The following IGF1 variants were observed in gnomAD, a reference collection of about 807,000 sequenced individuals.
IGF1 encodes insulin like growth factor 1, also known as insulin-like growth factor 1.
IGF1 carries 4 observed loss-of-function variants against 13.8 expected under a neutral mutation model. The ratio of observed to expected loss-of-function variants is 0.29; its 90% confidence interval spans 0.14 to 0.66. IGF1 has a LOEUF of 0.66. Ranked by LOEUF, IGF1 falls within the 30% of genes least tolerant of loss-of-function variation. The pLI, the probability that IGF1 is intolerant of heterozygous loss-of-function variation, is 0.78. For missense variants in IGF1, 124 were observed against 188.5 expected, an observed-to-expected ratio of 0.66 and a Z score of 2.00; for synonymous variants, 76 against 72.6, an observed-to-expected ratio of 1.05 and a Z score of -0.23.
At chr12:102,441,917 T>C (rs1446022523) in intron 2 of IGF1, among the ~76,000 whole-genome samples, 27 of 114,370 alleles carry the variant, frequency 2.4e-4, no homozygotes, top group Admixed American at 4.2e-4. Context: ...CTTCTTCTCC[T>C]TCTTCTTCTT....
At chr12:102,441,908 T>TGCTGCTTCTTCTTCTTCTTCTTCTTCC (rs1555244024) in intron 2 of IGF1, among the ~76,000 whole-genome samples, 1 of 109,390 alleles carries the variant, frequency 9.1e-6, no homozygotes, top group Non-Finnish European at 1.9e-5. Context: ...ATTACACTGC[T>TGCTGCTTCTTCTTCTTCTTCTTCTTCC]TCTTCTCCTT....
chr12:102,425,546 A>G (rs557128734), intron 2 of IGF1, among the ~76,000 whole-genome samples: 97 of 152,316 alleles, frequency 6.4e-4, no homozygotes, highest in Middle Eastern at 3.4e-3. Context: ...CTCTGAGTCT[A>G]AAAGGAATGA....
At chr12:102,417,070 G>C (rs540894900) in intron 3 of IGF1, among the ~76,000 whole-genome samples, 60 of 152,236 alleles carry the variant, frequency 3.9e-4, no homozygotes, top group African/African-American at 1.4e-3. Context: ...CCCTTGCAAG[G>C]GCTGATACTT....
In IGF1 at chr12:102,427,092, C is replaced by T. The variant is rs117783032; in HGVS notation, c.221-7402G>A. The stretch of plus-strand genomic sequence containing the variant: ...TACCCAGTATACAGTGTCACCAGGC[C>T]GCTTAATCACTACTCCATCTTGGAC... On this transcript the variant is annotated intron_variant, in intron 2 of 3. Transcript: ENST00000337514. Among the ~76,000 whole-genome samples, 552 of 152,252 alleles carry T rather than the reference C, an allele frequency of 3.6e-3. 27 individuals carry two copies. In the East Asian group the frequency reaches 0.081, roughly 22 times the overall value.
chr12:102,449,576 C>T (rs997028162), intron 2 of IGF1, among the ~76,000 whole-genome samples: 15 of 150,866 alleles, frequency 9.9e-5, no homozygotes, highest in East Asian at 2.0e-4. Flanking sequence ...CCCATTGCTA[C>T]GGTTTTCTGT....
intron 2 of IGF1, among the ~76,000 whole-genome samples, chr12:102,458,066 G>A (rs930015372): frequency 6.6e-6 from 1 of 152,110 alleles, no homozygotes; most frequent in African/African-American, 2.4e-5. Context: ...TCACTAAGTT[G>A]GATCCATTTC....
intron 2 of IGF1, among the ~76,000 whole-genome samples, chr12:102,455,768 C>T (rs1043213294): frequency 6.6e-6 from 1 of 152,158 alleles, no homozygotes; most frequent in African/African-American, 2.4e-5. Flanking sequence ...CTGAGGCACC[C>T]TGCAATCTCT....
intron 2 of IGF1, among the ~76,000 whole-genome samples, chr12:102,452,218 C>T (rs1276130027): frequency 4.5e-5 from 6 of 134,446 alleles, no homozygotes; most frequent in South Asian, 2.4e-4. Flanking sequence ...GCCGAGATCG[C>T]GCCACTGCAC....
intron 2 of IGF1, among the ~76,000 whole-genome samples, chr12:102,449,204 A>G (rs1166125717): frequency 6.6e-6 from 1 of 152,208 alleles, no homozygotes; most frequent in Non-Finnish European, 1.5e-5. Context: ...TACACCATAG[A>G]ATACTATGCA....
chr12:102,442,193 C>T (rs977556166), intron 2 of IGF1, among the ~76,000 whole-genome samples: 16 of 151,516 alleles, frequency 1.1e-4, no homozygotes, highest in African/African-American at 2.9e-4. Context: ...AAGCAATTTT[C>T]CTGCCTTGGC....
chr12:102,451,919 T>A (rs969545049), intron 2 of IGF1, among the ~76,000 whole-genome samples: 6 of 152,110 alleles, frequency 3.9e-5, no homozygotes, highest in Admixed American at 1.3e-4. Flanking sequence ...CTAATGGTTT[T>A]AGAAGGGGCT....
intron 2 of IGF1, among the ~76,000 whole-genome samples, chr12:102,454,083 C>G (rs562360969): frequency 6.6e-6 from 1 of 152,164 alleles, no homozygotes; most frequent in African/African-American, 2.4e-5. Flanking sequence ...AACACCCAAA[C>G]AACTGGCTGG....
Position 102,398,099 on chromosome 12 carries a change from AAAAC to A in IGF1, c.*4404_*4407del, listed in dbSNP as rs886048872. The A allele has an allele frequency of 1.3e-5, 2 of 151,934 alleles. No homozygotes were observed. Among genetic ancestry groups the A allele is most frequent in the East Asian group, 1.9e-4 (1 of 5,196 alleles). The allele number at this position is 151,934 out of a possible 1,614,324, so 9.4% of individuals were successfully genotyped here. The stretch of plus-strand genomic sequence containing the variant: ...GACTGTATAAAGTAAAAAAAAAAAA[AAAAC>A]AAAAACAAGAAACAAAAAATCTTCA... On this transcript the variant is annotated 3_prime_UTR_variant, in exon 4 of 4. Transcript: ENST00000337514.
intron 2 of IGF1, among the ~76,000 whole-genome samples, chr12:102,451,316 C>T (rs1878904657): frequency 6.6e-6 from 1 of 152,220 alleles, no homozygotes; most frequent in Non-Finnish European, 1.5e-5. Flanking sequence ...CAGTATATCT[C>T]AAACAAATAA....
chr12:102,446,208 T>C (rs925754948), intron 2 of IGF1, among the ~76,000 whole-genome samples: 15 of 152,190 alleles, frequency 9.9e-5, no homozygotes, highest in Admixed American at 2.0e-4. Flanking sequence ...CTCTGCCAAG[T>C]TATGGTGTCA....
intron 2 of IGF1, among the ~76,000 whole-genome samples, chr12:102,466,403 T>G (rs1880316840): frequency 6.6e-6 from 1 of 152,146 alleles, no homozygotes; most frequent in South Asian, 2.1e-4. Flanking sequence ...CAAACATTCT[T>G]GATGGTCGTG....
At chr12:102,465,381 G>T (rs974213966) in intron 2 of IGF1, among the ~76,000 whole-genome samples, 3 of 152,102 alleles carry the variant, frequency 2.0e-5, no homozygotes, top group Admixed American at 6.5e-5. Context: ...CCCATTTTAC[G>T]ATAAGCTATG....
intron 2 of IGF1, among the ~76,000 whole-genome samples, chr12:102,459,437 G>A (rs1338140774): frequency 1.3e-5 from 2 of 152,080 alleles, no homozygotes; most frequent in East Asian, 1.9e-4. Flanking sequence ...TTTGGTGGGC[G>A]ATGAGGAGGA....
intron 3 of IGF1, among the ~76,000 whole-genome samples, chr12:102,413,936 C>T (rs1406773980): frequency 6.6e-6 from 1 of 152,242 alleles, no homozygotes; most frequent in East Asian, 1.9e-4. Context: ...GTTCTCTTAT[C>T]CTACCACATG....
Sources: allele counts gnomAD v4.1 joint callset (sites outside exome capture counted in the v4.1 genomes callset), GRCh38; gene constraint gnomAD v4.1.1; transcripts MANE v1.5; gene names NCBI Gene and HGNC (gene_info 2026-07-23, HGNC 2026-07-21).